The following SHISA5 variants were observed in gnomAD, a reference collection of about 807,000 sequenced individuals.
SHISA5 encodes protein shisa-5.
Under a neutral mutation model 27.5 loss-of-function variants are expected in SHISA5, and 21 were observed. That is an observed-to-expected ratio of 0.76 (90% CI 0.54 to 1.10). The LOEUF is 1.10. SHISA5 is among the 50% of genes least tolerant of loss of function. The pLI is 0.00. For missense variants in SHISA5, 314 were observed against 336.3 expected, an observed-to-expected ratio of 0.93 and a Z score of 0.52; for synonymous variants, 137 against 142.2, an observed-to-expected ratio of 0.96 and a Z score of 0.26.
intron 1 of SHISA5, 141 bp downstream of exon 1, chr3:48,503,878 G>T: frequency 7.6e-7 from 1 of 1,314,150 alleles, no homozygotes; most frequent in Non-Finnish European, 9.7e-7. Context: ...CAGTCGTGGG[G>T]GTTCGCTGAC....
At chr3:48,477,219 A>T in intron 3 of SHISA5, 1 of 366,584 alleles carries the variant, frequency 2.7e-6, no homozygotes. Context: ...CTCAGCCTAC[A>T]GAGTAGCTGG....
chr3:48,496,953 G>A (rs2041571828), intron 2 of SHISA5, among the ~76,000 whole-genome samples: 1 of 152,018 alleles, frequency 6.6e-6, no homozygotes, highest in Non-Finnish European at 1.5e-5. Flanking sequence ...GAAATGGCCA[G>A]GTGTGGTGGC....
rs1560130851 is a variant in SHISA5, at chr3:48,489,620, C to CAT, written c.234-10364_234-10363insAT. On this transcript the variant is annotated intron_variant, in intron 2 of 5. Transcript: ENST00000296444. Reference sequence around the variant, plus strand: ...TACAGGCTTGAGCCACTGCGCCTGGCCTTTTTTTTTTTTTTTTTTTTTTTT... The same window carrying CAT: ...TACAGGCTTGAGCCACTGCGCCTGGCATCTTTTTTTTTTTTTTTTTTTTTTTT... Among the ~76,000 whole-genome samples the CAT allele has an allele frequency of 2.5e-3, 322 of 127,716 alleles. 3 individuals are homozygous for CAT. The highest frequency in any genetic ancestry group is 0.011 in the African/African-American group (309 of 29,218). The allele number at this position is 127,716 out of a possible 152,430, so 83.8% of individuals were successfully genotyped here. A position where few individuals can be genotyped will look rare whatever the true frequency, so the allele number is the denominator to read the frequency against.
At chr3:48,486,400 A>T (rs369277806) in intron 2 of SHISA5, among the ~76,000 whole-genome samples, 5 of 95,548 alleles carry the variant, frequency 5.2e-5, no homozygotes, top group African/African-American at 1.8e-4. Flanking sequence ...ATAATGTATA[A>T]TATATAATAT....
chr3:48,481,179 G>A (rs570556642), intron 2 of SHISA5, among the ~76,000 whole-genome samples: 2 of 152,118 alleles, frequency 1.3e-5, no homozygotes, highest in Admixed American at 6.5e-5. Context: ...GGTGGCTCAC[G>A]CCTGTAATCC....
chr3:48,502,909 C>T (rs1350532318), intron 1 of SHISA5, among the ~76,000 whole-genome samples: 1 of 152,188 alleles, frequency 6.6e-6, no homozygotes, highest in East Asian at 1.9e-4. Flanking sequence ...CCACACACCC[C>T]GAGGCTGTCA....
chr3:48,486,327 G>A (rs1386246947), intron 2 of SHISA5, among the ~76,000 whole-genome samples: 18 of 12,720 alleles, frequency 1.4e-3, no homozygotes, highest in South Asian at 4.3e-3. Flanking sequence ...AATACATTAT[G>A]TTATATAATA....
chr3:48,468,379 G>A lies in SHISA5; in HGVS notation c.*728C>T, dbSNP rs1174742971. The A allele has an allele frequency of 9.2e-7, 1 of 1,085,566 alleles. No individual in the cohort carries two copies. Among genetic ancestry groups the A allele is most frequent in the Non-Finnish European group, 1.1e-6 (1 of 888,670 alleles). The allele number at this position is 1,085,566 out of a possible 1,614,324, so 67.2% of individuals were successfully genotyped here. ...AGAGCTCCCTGGGGGCAGCTAGGCT[G>A]TGTGTGCATGTGGCCCTCCAGCTGG... On this transcript the variant is annotated 3_prime_UTR_variant, in exon 6 of 6. Transcript: ENST00000296444.
intron 2 of SHISA5, among the ~76,000 whole-genome samples, chr3:48,490,274 T>A (rs757503472): frequency 2.2e-4 from 33 of 152,218 alleles, no homozygotes; most frequent in Non-Finnish European, 4.0e-4. Flanking sequence ...GGTTTCTCTA[T>A]GTTGGTCAGG....
chr3:48,479,281 T>G, intron 2 of SHISA5, 24 bp from the exon 3 acceptor site: 1 of 1,593,152 alleles, frequency 6.3e-7, no homozygotes, highest in South Asian at 1.1e-5. Flanking sequence ...ACCTTGTGAT[T>G]AGCACAATGA....
At position 48,469,467 on chromosome 3, in the gene SHISA5, G is replaced by A. The variant is rs750782840; in HGVS notation, c.537C>T (p.Thr179=). 2 of 1,613,932 alleles carry A rather than the reference G, an allele frequency of 1.2e-6. No homozygotes were observed. Among genetic ancestry groups the A allele is most frequent in the South Asian group, 2.2e-5 (2 of 91,050 alleles). ...CTGGCATCCCTGGCTGAGGCGGCAT[G>A]GTGTGGTAGCCCTGGTAGCTTGGTC... ...YPGPSYQGYH[T]MPPQPGMPAA... The change falls in exon 5 of 6, where the codon ACC becomes ACT. Residue 179 remains threonine (T), a synonymous_variant. Transcript: ENST00000296444. The surrounding 1 kb of genome is among the most constrained non-coding windows in gnomAD (Gnocchi z 4.6).
chr3:48,471,459 G>C (rs910367437), intron 3 of SHISA5, among the ~76,000 whole-genome samples: 1 of 150,488 alleles, frequency 6.6e-6, no homozygotes, highest in Non-Finnish European at 1.5e-5. Flanking sequence ...GGAGGCTGAG[G>C]CAGGAGAATC....
chr3:48,469,392 C>T lies in SHISA5; in HGVS notation c.612G>A (p.Met204Ile). 1 of 1,601,144 alleles carries T rather than the reference C, an allele frequency of 6.2e-7. No individual in the cohort carries two copies. Among genetic ancestry groups the T allele is most frequent in the African/African-American group, 1.3e-5 (1 of 74,828 alleles). The stretch of plus-strand genomic sequence containing the variant: ...GGGTCTCGTGGTAGGCCGGTGGGCC[C>T]ATGGGCTGGGCTGGGTAAGGTGGTG... The part of the protein sequence containing the change: ...QYPPPYPAQP[M>I]GPPAYHETLA... Residue 204 changes from methionine (M) to isoleucine (I), a missense_variant, in exon 5 of 6, where the codon ATG (methionine) becomes ATA (isoleucine). By Grantham distance (10) the Met-to-Ile change is conservative. Transcript: ENST00000296444. This position sits in a 1 kb window ranked among gnomAD's most constrained non-coding sequence, Gnocchi z 4.6.
At position 48,468,954 on chromosome 3, in the gene SHISA5, C is replaced by T; in HGVS notation, c.*153G>A. 12 of 1,574,228 alleles carry T rather than the reference C, an allele frequency of 7.6e-6. No homozygotes were observed. The highest frequency in any genetic ancestry group is 9.4e-6 in the Non-Finnish European group (11 of 1,168,050). On this transcript the variant is annotated 3_prime_UTR_variant, in exon 6 of 6. Transcript: ENST00000296444. ...ACCTTGTCAGCATCAGAGGAAGCCACATATACAGGCAGGACACACACAGCA... is the reference window on the plus strand; with the variant it reads ...ACCTTGTCAGCATCAGAGGAAGCCATATATACAGGCAGGACACACACAGCA...
upstream of SHISA5, chr3:48,504,560 G>A (rs1184634391): frequency 6.5e-6 from 1 of 155,014 alleles, no homozygotes; most frequent in African/African-American, 2.4e-5. The surrounding 1 kb of genome is among the most constrained non-coding windows in gnomAD (Gnocchi z 4.0). Context: ...CAGTCCCGGC[G>A]GATCCTCACT....
At chr3:48,482,299 G>T (rs900149680) in intron 2 of SHISA5, among the ~76,000 whole-genome samples, 1 of 151,904 alleles carries the variant, frequency 6.6e-6, no homozygotes, top group Non-Finnish European at 1.5e-5. Flanking sequence ...CAGCTACTCA[G>T]GAGGCTTAGG....
At chr3:48,503,536 A>T (rs2041815148) in intron 1 of SHISA5, among the ~76,000 whole-genome samples, 1 of 152,086 alleles carries the variant, frequency 6.6e-6, no homozygotes, top group Admixed American at 6.5e-5. Context: ...CAACCAACAC[A>T]CACAGTGGTG....
Position 48,473,471 on chromosome 3 carries a change from A to G in SHISA5, c.315-3628T>C, listed in dbSNP as rs1185672303. ...ACCAGCCTCCAGGAGGAGCTTCTGCATCCATCTAGGCCCAGAGGGCGACCC... is the reference window on the plus strand; with the variant it reads ...ACCAGCCTCCAGGAGGAGCTTCTGCGTCCATCTAGGCCCAGAGGGCGACCC... On this transcript the variant is annotated intron_variant, in intron 3 of 5. Transcript: ENST00000296444. This position sits in a 1 kb window ranked among gnomAD's most constrained non-coding sequence, Gnocchi z 4.3. 1 of 1,293,130 alleles carries G rather than the reference A, an allele frequency of 7.7e-7. No individual in the cohort carries two copies. Among genetic ancestry groups the G allele is most frequent in the East Asian group, 5.5e-5 (1 of 18,218 alleles). 80.1% of individuals were successfully genotyped at this position (1,293,130 alleles called of 1,614,324 possible). A position where few individuals can be genotyped will look rare whatever the true frequency, so the allele number is the denominator to read the frequency against.
intron 3 of SHISA5, among the ~76,000 whole-genome samples, chr3:48,474,062 A>G (rs2040735921): frequency 6.6e-6 from 1 of 151,522 alleles, no homozygotes; most frequent in African/African-American, 2.4e-5. Context: ...CTCACCAGAC[A>G]GTGAAATTTA....
Sources: gnomAD v4.1 joint callset for allele counts (sites outside exome capture counted in the v4.1 genomes callset) on GRCh38, gnomAD v4.1.1 for gene constraint, Gnocchi (gnomAD v3.1) non-coding constraint, MANE v1.5 for transcripts, NCBI Gene and HGNC (gene_info 2026-07-23, HGNC 2026-07-21) for gene names.